COL9A2: variants seen among roughly 807,000 people sequenced by gnomAD.
COL9A2 encodes collagen type IX alpha 2 chain.
In COL9A2, 66 loss-of-function variants were observed where a neutral mutation model predicts 111.6. The observed-to-expected ratio is 0.59, with a 90% CI of 0.48 to 0.73. The LOEUF is 0.73. COL9A2 is among the 30% of genes least tolerant of loss of function. The pLI, the probability that COL9A2 is intolerant of heterozygous loss-of-function variation, is 0.00. For missense variants in COL9A2, 881 were observed against 954.1 expected, an observed-to-expected ratio of 0.92 and a Z score of 1.01; for synonymous variants, 353 against 364.1, an observed-to-expected ratio of 0.97 and a Z score of 0.35.
intron 19 of COL9A2, among the ~76,000 whole-genome samples, 153 bp from the exon 20 acceptor site, chr1:40,306,340 T>C (rs1020927779): frequency 2.6e-5 from 4 of 152,194 alleles, no homozygotes; most frequent in Admixed American, 2.6e-4. Context: ...TAACTGTACA[T>C]TCCCACAGTG....
chr1:40,307,673 C>G lies in COL9A2; in HGVS notation c.954+30G>C. On this transcript the variant is annotated intron_variant, in intron 18 of 31. Transcript: ENST00000372748. The surrounding 1 kb of genome is among the most constrained non-coding windows in gnomAD (Gnocchi z 4.8). Reference sequence around the variant, plus strand: ...TCCAGGACTCAAGGTCCTGCCCCTGCCCCAGTCCCATCAGCAGCCCCACTC... The same window carrying G: ...TCCAGGACTCAAGGTCCTGCCCCTGGCCCAGTCCCATCAGCAGCCCCACTC... 6.2e-7 allele frequency: 1 copy of G among 1,613,430 alleles called. No individual in the cohort carries two copies.
chr1:40,312,206 CT>C lies in COL9A2; in HGVS notation c.364-95del. On this transcript the variant is annotated intron_variant, in intron 7 of 31. Coordinates refer to ENST00000372748, the MANE Select transcript of COL9A2 (RefSeq NM_001852.4). This position sits in a 1 kb window ranked among gnomAD's most constrained non-coding sequence, Gnocchi z 6.0. ...CAGGCACCCAAAGCCCGTTTCTCCA[CT>C]TTTACTTTTTTTTTTTTTTTGCCAA... The C allele has an allele frequency of 8.8e-7, 1 of 1,130,932 alleles. No homozygotes were observed. The highest frequency in any genetic ancestry group is 1.3e-6 in the Non-Finnish European group (1 of 788,666). The allele number at this position is 1,130,932 out of a possible 1,614,324, so 70.1% of individuals were successfully genotyped here.
At chr1:40,313,222 G>A (rs1213412952) in intron 4 of COL9A2, among the ~76,000 whole-genome samples, 1 of 151,016 alleles carries the variant, frequency 6.6e-6, no homozygotes, top group Non-Finnish European at 1.5e-5. Flanking sequence ...AGGCTGGAGT[G>A]CAGTGGCACA....
chr1:40,303,538 C>G lies in COL9A2; in HGVS notation c.1540G>C (p.Gly514Arg). Residue 514 changes from glycine to arginine, a missense_variant, in exon 28 of 32, where the codon GGC becomes CGC. By Grantham distance (125) the Gly-to-Arg change is moderately radical (BLOSUM62 -2). Transcript: ENST00000372748. This position sits in a 1 kb window ranked among gnomAD's most constrained non-coding sequence, Gnocchi z 4.6. ...RGVPGQPGRQ[G>R]VEGRDATDQH... ...CCCGGGGCCCGACTCACCTCCACGC[C>G]CTGTCTCCCGGGCTGTCCTGGCACG... The G allele has an allele frequency of 6.2e-7, 1 of 1,612,772 alleles. No individual in the cohort carries two copies. Among genetic ancestry groups the G allele is most frequent in the Non-Finnish European group, 8.5e-7 (1 of 1,179,818 alleles).
Position 40,301,268 on chromosome 1 carries a change from C to T in COL9A2, c.1984G>A (p.Gly662Ser), listed in dbSNP as rs1284797228. 4 of 1,613,934 alleles carry T rather than the reference C, an allele frequency of 2.5e-6. No homozygotes were observed. Among genetic ancestry groups the T allele is most frequent in the South Asian group, 2.2e-5 (2 of 91,078 alleles). ...PGLPGPVGLP[G>S]FCEPAACLGA... ...AGGCAGGCGGCAGGTTCACAGAAGC[C>T]CGGCAGCCCCACGGGGCCTGGCAGG... Residue 662 changes from glycine to serine, a missense_variant, in exon 32 of 32, where the codon GGC becomes AGC. Transcript: ENST00000372748.
chr1:40,307,826 T>C lies in COL9A2; in HGVS notation c.901-70A>G, dbSNP rs1644054926. On this transcript the variant is annotated intron_variant, in intron 17 of 31. Coordinates refer to ENST00000372748, the MANE Select transcript of COL9A2 (RefSeq NM_001852.4). The surrounding 1 kb of genome is among the most constrained non-coding windows in gnomAD (Gnocchi z 4.8). ...TCTGGGGTCTGGCCACCCACCCCTG[T>C]TCCTCTGAGACAGCTGCAGTGTGCA... is the stretch of plus-strand genomic sequence containing the variant. 1.3e-6 allele frequency: 2 copies of C among 1,513,214 alleles called. No individual in the cohort carries two copies. Among genetic ancestry groups the C allele is most frequent in the East Asian group, 2.3e-5 (1 of 44,048 alleles). 93.7% of individuals were successfully genotyped at this position (1,513,214 alleles called of 1,614,324 possible).
At position 40,310,613 on chromosome 1, in the gene COL9A2, G is replaced by T; in HGVS notation, c.684+101C>A. 1 of 1,072,424 alleles carries T rather than the reference G, an allele frequency of 9.3e-7. No individual in the cohort carries two copies. The highest frequency in any genetic ancestry group is 1.4e-6 in the Non-Finnish European group (1 of 710,384). The allele number at this position is 1,072,424 out of a possible 1,614,324, so 66.4% of individuals were successfully genotyped here. A position where few individuals can be genotyped will look rare whatever the true frequency, so the allele number is the denominator to read the frequency against. On this transcript the variant is annotated intron_variant, in intron 13 of 31. Transcript: ENST00000372748. The surrounding 1 kb of genome is among the most constrained non-coding windows in gnomAD (Gnocchi z 4.9). ...CCAGAGATGCTCCCAGCTAGACACA[G>T]GTGTCTCTTTTACAAGCTAGAGGCC...
chr1:40,311,266 G>A lies in COL9A2; in HGVS notation c.540C>T (p.Pro180=), dbSNP rs756880415. ...GCAGCCCTGGGGGACCTTTCATTCC[G>A]GGTGGACAGTTGGTTGGACACTGGA... ...ADFLCPTNCP[P]GMKGPPGLQG... Residue 180 remains proline, a synonymous_variant, in exon 11 of 32, where the codon CCC becomes CCT. Coordinates refer to ENST00000372748, the MANE Select transcript of COL9A2 (RefSeq NM_001852.4). This position sits in a 1 kb window ranked among gnomAD's most constrained non-coding sequence, Gnocchi z 5.1. 49 of 1,613,954 alleles carry A rather than the reference G, an allele frequency of 3.0e-5. No homozygotes were observed. The highest frequency in any genetic ancestry group is 3.9e-5 in the Non-Finnish European group (46 of 1,179,996).
chr1:40,303,396 G>C lies in COL9A2; in HGVS notation c.1548+134C>G. ...CTCAGGCTGCACTCACAGCCTTCCT[G>C]TCTGCTCTGGGGCTTGGAACCAGTC... On this transcript the variant is annotated intron_variant, in intron 28 of 31. Coordinates refer to ENST00000372748, the MANE Select transcript of COL9A2 (RefSeq NM_001852.4). This position sits in a 1 kb window ranked among gnomAD's most constrained non-coding sequence, Gnocchi z 4.6. 2.2e-6 allele frequency: 3 copies of C among 1,348,472 alleles called. No individual in the cohort carries two copies. The highest frequency in any genetic ancestry group is 2.5e-5 in the South Asian group (2 of 79,790). 83.5% of individuals were successfully genotyped at this position (1,348,472 alleles called of 1,614,324 possible).
chr1:40,304,377 C>T lies in COL9A2; in HGVS notation c.1230G>A (p.Glu410=). ...GCCCTGGAATTCCGGGGGGGCCCTG[C>T]TCCCCCTTAGGGCCCTGAGGAGAAA... ...GPQGRQGPKG[E]QGPPGIPGPQ... is the part of the protein sequence containing the mutation. Residue 410 remains glutamate, a synonymous_variant, in exon 24 of 32, where the codon GAG becomes GAA. Coordinates refer to ENST00000372748, the MANE Select transcript of COL9A2 (RefSeq NM_001852.4). The T allele has an allele frequency of 1.3e-6, 2 of 1,593,158 alleles. No individual in the cohort carries two copies. Among genetic ancestry groups the T allele is most frequent in the Non-Finnish European group, 1.7e-6 (2 of 1,169,354 alleles).
chr1:40,302,624 T>A lies in COL9A2; in HGVS notation c.1789A>T (p.Lys597Ter). The A allele has an allele frequency of 6.3e-7, 1 of 1,599,432 alleles. No homozygotes were observed. ...AVGQIGNTGPKGKRGEKGDPG... is the reference protein window; with the variant it reads ...AVGQIGNTGP Reference sequence around the variant, plus strand: ...CCCACCGCAGAGGAGCACTCACCCTTGGGCCCCGTGTTGCCGATCTGACCC... The same window carrying A: ...CCCACCGCAGAGGAGCACTCACCCTAGGGCCCCGTGTTGCCGATCTGACCC... Residue 597 changes from lysine (K) to a stop codon, truncating the protein, a stop_gained, in exon 30 of 32, where the codon AAG (lysine) becomes TAG (stop). Coordinates refer to ENST00000372748, the MANE Select transcript of COL9A2 (RefSeq NM_001852.4). LOFTEE classifies it high-confidence loss of function. The surrounding 1 kb of genome is among the most constrained non-coding windows in gnomAD (Gnocchi z 4.5).
intron 31 of COL9A2, 38 bp from the exon 32 acceptor site, chr1:40,301,419 CTT>C (rs1643913844): frequency 1.3e-6 from 2 of 1,560,254 alleles, no homozygotes; most frequent in African/African-American, 1.4e-5. Context: ...AGGGGCACCT[CTT>C]GTCTCAGGCC....
rs763884760 is a variant in COL9A2, at chr1:40,317,109, G to A, written c.75+14C>T. Reference sequence around the variant, plus strand: ...CACCCTGGACCCTGGCAGCGGAGGGGCTGCGAAACTTACAATCTGCGCCAG... The same window carrying A: ...CACCCTGGACCCTGGCAGCGGAGGGACTGCGAAACTTACAATCTGCGCCAG... On this transcript the variant is annotated intron_variant, in intron 1 of 31. Transcript: ENST00000372748. This position sits in a 1 kb window ranked among gnomAD's most constrained non-coding sequence, Gnocchi z 4.3. 38 of 1,561,436 alleles carry A rather than the reference G, an allele frequency of 2.4e-5. No homozygotes were observed. The highest frequency in any genetic ancestry group is 3.1e-5 in the Non-Finnish European group (36 of 1,153,164).
Position 40,312,348 on chromosome 1 carries a change from T to C in COL9A2, c.363+108A>G. 1.4e-6 allele frequency: 2 copies of C among 1,471,314 alleles called. No individual in the cohort carries two copies. Among genetic ancestry groups the C allele is most frequent in the Non-Finnish European group, 1.9e-6 (2 of 1,072,078 alleles). 91.1% of individuals were successfully genotyped at this position (1,471,314 alleles called of 1,614,324 possible). On this transcript the variant is annotated intron_variant, in intron 7 of 31. Transcript: ENST00000372748. The surrounding 1 kb of genome is among the most constrained non-coding windows in gnomAD (Gnocchi z 6.0). ...GCAGGTCCACTTATTCCTGACACTA[T>C]CACAGCAAGCTGGCTCCTTCCCATG...
chr1:40,300,900 C>G lies in COL9A2; in HGVS notation c.*282G>C. On this transcript the variant is annotated 3_prime_UTR_variant, in exon 32 of 32. Coordinates refer to ENST00000372748, the MANE Select transcript of COL9A2 (RefSeq NM_001852.4). This position sits in a 1 kb window ranked among gnomAD's most constrained non-coding sequence, Gnocchi z 4.4. ...CAGATTAAGATGTTTGTTTTGGTAACAGCCGAATGATGCTCGCTGGAAGGA... is the reference window on the plus strand; with the variant it reads ...CAGATTAAGATGTTTGTTTTGGTAAGAGCCGAATGATGCTCGCTGGAAGGA... The G allele has an allele frequency of 2.3e-6, 1 of 434,548 alleles. No homozygotes were observed. The highest frequency in any genetic ancestry group is 4.2e-6 in the Non-Finnish European group (1 of 237,166). 26.9% of individuals were successfully genotyped at this position (434,548 alleles called of 1,614,324 possible).
In COL9A2 at chr1:40,312,452, T is replaced by C. The variant is rs1644145616; in HGVS notation, c.363+4A>G. On this transcript the variant is annotated splice_donor_region_variant and intron_variant, in intron 7 of 31. Transcript: ENST00000372748. This position sits in a 1 kb window ranked among gnomAD's most constrained non-coding sequence, Gnocchi z 6.0. ...GGGATCCTGCCCCATCCCTGAGGACTTACAGGAGGTCCAGCAAAACCAGGG... is the reference window on the plus strand; with the variant it reads ...GGGATCCTGCCCCATCCCTGAGGACCTACAGGAGGTCCAGCAAAACCAGGG... The C allele has an allele frequency of 1.2e-6, 2 of 1,613,430 alleles. No homozygotes were observed. The highest frequency in any genetic ancestry group is 1.7e-6 in the Non-Finnish European group (2 of 1,179,722).
chr1:40,304,923 T>G, intron 21 of COL9A2, 76 bp from the exon 22 acceptor site: 1 of 1,310,180 alleles, frequency 7.6e-7, no homozygotes, highest in Non-Finnish European at 1.1e-6. Context: ...AGCCCCTCCC[T>G]ACCCTGGGTC....
chr1:40,312,394 T>G lies in COL9A2; in HGVS notation c.363+62A>C. 1 of 1,594,480 alleles carries G rather than the reference T, an allele frequency of 6.3e-7. No individual in the cohort carries two copies. Among genetic ancestry groups the G allele is most frequent in the East Asian group, 2.3e-5 (1 of 43,958 alleles). Reference sequence around the variant, plus strand: ...CCATGGTGGCCATTCCCTCGAAGCCTTTCTGTTGTCCCCTCCTTCCCTGGG... The same window carrying G: ...CCATGGTGGCCATTCCCTCGAAGCCGTTCTGTTGTCCCCTCCTTCCCTGGG... On this transcript the variant is annotated intron_variant, in intron 7 of 31. Coordinates refer to ENST00000372748, the MANE Select transcript of COL9A2 (RefSeq NM_001852.4). This position sits in a 1 kb window ranked among gnomAD's most constrained non-coding sequence, Gnocchi z 6.0.
At position 40,314,431 on chromosome 1, in the gene COL9A2, T is replaced by C; in HGVS notation, c.151-44A>G. On this transcript the variant is annotated intron_variant, in intron 2 of 31. Coordinates refer to ENST00000372748, the MANE Select transcript of COL9A2 (RefSeq NM_001852.4). This position sits in a 1 kb window ranked among gnomAD's most constrained non-coding sequence, Gnocchi z 4.1. ...TGAGACAGCACACTACGGCTCACACTACCCCAAGTGGGCACACACAGGCCC... is the reference window on the plus strand; with the variant it reads ...TGAGACAGCACACTACGGCTCACACCACCCCAAGTGGGCACACACAGGCCC... The C allele has an allele frequency of 3.1e-6, 5 of 1,613,528 alleles. No homozygotes were observed. The highest frequency in any genetic ancestry group is 4.2e-6 in the Non-Finnish European group (5 of 1,179,428).
Sources: gnomAD v4.1 joint callset for allele counts (sites outside exome capture counted in the v4.1 genomes callset) on GRCh38, gnomAD v4.1.1 for gene constraint, Gnocchi (gnomAD v3.1) non-coding constraint, MANE v1.5 for transcripts, NCBI Gene and HGNC (gene_info 2026-07-23, HGNC 2026-07-21) for gene names.